The following PPFIA2 variants were observed in gnomAD, a reference collection of about 807,000 sequenced individuals.
PPFIA2 encodes liprin-alpha-2.
Under a neutral mutation model 175.5 loss-of-function variants are expected in PPFIA2, and 46 were observed. That is an observed-to-expected ratio of 0.26 (90% confidence interval 0.21 to 0.34). The LOEUF is 0.34. Ranked by LOEUF, PPFIA2 falls within the 10% of genes least tolerant of loss-of-function variation. PPFIA2 has a pLI of 1.00. For missense variants in PPFIA2, 1,179 were observed against 1,506.1 expected (o/e 0.78, Z 3.60); for synonymous variants, 568 against 511.4 (o/e 1.11, Z -1.49).
intron 17 of PPFIA2, among the ~76,000 whole-genome samples, chr12:81,349,722 C>G (rs2059684057): frequency 1.3e-5 from 2 of 152,098 alleles, no homozygotes; most frequent in African/African-American, 4.8e-5. Flanking sequence ...TTGTACAAGA[C>G]AGCCAAACCT....
In PPFIA2 at chr12:81,405,778, G is replaced by T. The variant is rs189899397; in HGVS notation, c.762+9C>A. Reference sequence around the variant, plus strand: ...ATTTCCATGTAAGAGCATGTGGGGTGTGTCATACCTTCTCATGGACTTTCT... The same window carrying T: ...ATTTCCATGTAAGAGCATGTGGGGTTTGTCATACCTTCTCATGGACTTTCT... On this transcript the variant is annotated intron_variant, in intron 8 of 32. Coordinates refer to ENST00000549396, the MANE Select transcript of PPFIA2 (RefSeq NM_003625.5). 8.3e-5 allele frequency: 120 copies of T among 1,441,456 alleles called. 1 individual carries two copies. The Admixed American group carries it at 1.2e-3, about 15-fold the overall frequency. 89.3% of individuals were successfully genotyped at this position (1,441,456 alleles called of 1,614,324 possible). A position where few individuals can be genotyped will look rare whatever the true frequency, so the allele number is the denominator to read the frequency against.
chr12:81,341,576 C>CT (rs1473145965), intron 19 of PPFIA2, among the ~76,000 whole-genome samples: 1 of 152,020 alleles, frequency 6.6e-6, no homozygotes, highest in Non-Finnish European at 1.5e-5. Flanking sequence ...ATGCACGGAC[C>CT]TTTTTTTTAA....
intron 4 of PPFIA2, among the ~76,000 whole-genome samples, chr12:81,580,950 T>C (rs1238409324): frequency 6.6e-6 from 1 of 151,820 alleles, no homozygotes; most frequent in East Asian, 1.9e-4. Flanking sequence ...ATTATTATAA[T>C]TGAGGTAAGC....
At chr12:81,269,796 G>A (rs2038526121) in intron 28 of PPFIA2, among the ~76,000 whole-genome samples, 1 of 152,086 alleles carries the variant, frequency 6.6e-6, no homozygotes, top group Non-Finnish European at 1.5e-5. Flanking sequence ...GCAGTGGCGT[G>A]TTCATGATCA....
intron 4 of PPFIA2, among the ~76,000 whole-genome samples, chr12:81,667,398 C>T (rs1340315493): frequency 6.6e-6 from 1 of 152,054 alleles, no homozygotes; most frequent in Non-Finnish European, 1.5e-5. Context: ...TAGCACCTTT[C>T]TTGAAAACCA....
chr12:81,618,432 A>G (rs562559016), intron 4 of PPFIA2, among the ~76,000 whole-genome samples: 11 of 150,920 alleles, frequency 7.3e-5, no homozygotes, highest in Admixed American at 3.3e-4. Context: ...TTAAATTTAA[A>G]AGGTAGAGAA....
intron 6 of PPFIA2, 146 bp from the exon 7 acceptor site, chr12:81,440,192 G>A (rs1159033411): frequency 1.9e-6 from 1 of 532,884 alleles, no homozygotes; most frequent in Non-Finnish European, 3.2e-6. Context: ...TACTAAATCT[G>A]GCAGAAATAC....
At chr12:81,409,942 A>T (rs2142999900) in intron 7 of PPFIA2, among the ~76,000 whole-genome samples, 1 of 152,272 alleles carries the variant, frequency 6.6e-6, no homozygotes, top group Middle Eastern at 3.4e-3. Context: ...AACCCCCAAC[A>T]TTTGTATGTT....
At chr12:81,690,597 A>G (rs1421178875) in intron 3 of PPFIA2, among the ~76,000 whole-genome samples, 1 of 152,128 alleles carries the variant, frequency 6.6e-6, no homozygotes, top group Non-Finnish European at 1.5e-5. Context: ...GAGGACTGCT[A>G]GAAAAGTAAA....
chr12:81,463,595 C>T (rs2055050162), intron 4 of PPFIA2, among the ~76,000 whole-genome samples: 1 of 152,114 alleles, frequency 6.6e-6, no homozygotes, highest in Non-Finnish European at 1.5e-5. Flanking sequence ...GTGCCCTTCT[C>T]TTTCTTAGTG....
chr12:81,720,912 T>C (rs1341976043), intron 3 of PPFIA2, among the ~76,000 whole-genome samples: 1 of 151,356 alleles, frequency 6.6e-6, no homozygotes, highest in African/African-American at 2.4e-5. Flanking sequence ...ATAAAAATGA[T>C]TAAATATTCC....
intron 8 of PPFIA2, among the ~76,000 whole-genome samples, chr12:81,390,370 T>C (rs1417901223): frequency 6.6e-6 from 1 of 152,050 alleles, no homozygotes; most frequent in Non-Finnish European, 1.5e-5. Context: ...TCCAAAGTGG[T>C]TGCACCATTG....
chr12:81,282,235 T>A (rs1008122146), intron 26 of PPFIA2, among the ~76,000 whole-genome samples: 3 of 152,074 alleles, frequency 2.0e-5, no homozygotes, highest in Non-Finnish European at 4.4e-5. Context: ...ATTTAGTTCC[T>A]TATCATGCCC....
intron 7 of PPFIA2, among the ~76,000 whole-genome samples, chr12:81,429,251 A>T (rs997693330): frequency 2.0e-5 from 3 of 152,084 alleles, no homozygotes; most frequent in African/African-American, 7.2e-5. Context: ...AAGAGATAGA[A>T]TTTAAAAATA....
At chr12:81,318,382 C>T (rs1309353942) in intron 22 of PPFIA2, among the ~76,000 whole-genome samples, 2 of 151,648 alleles carry the variant, frequency 1.3e-5, no homozygotes, top group African/African-American at 4.8e-5. Context: ...GCTCATTTGC[C>T]TACCTTGTAG....
At chr12:81,478,376 T>C (rs374743759) in intron 4 of PPFIA2, among the ~76,000 whole-genome samples, 18 of 152,156 alleles carry the variant, frequency 1.2e-4, no homozygotes, top group Non-Finnish European at 4.4e-5. Context: ...CTGGATTCAT[T>C]GATTTTTTTG....
chr12:81,741,442 T>A (rs958954157), intron 3 of PPFIA2, among the ~76,000 whole-genome samples: 1 of 151,860 alleles, frequency 6.6e-6, no homozygotes, highest in Non-Finnish European at 1.5e-5. Context: ...TTATTTAGTA[T>A]TTTTTTTAAA....
At chr12:81,474,339 T>A (rs919480260) in intron 4 of PPFIA2, among the ~76,000 whole-genome samples, 3 of 152,164 alleles carry the variant, frequency 2.0e-5, no homozygotes, top group African/African-American at 7.2e-5. Context: ...GTATTTTTAG[T>A]AGAGACGGGG....
At chr12:81,532,330 G>T (rs1000193669) in intron 4 of PPFIA2, among the ~76,000 whole-genome samples, 1 of 151,460 alleles carries the variant, frequency 6.6e-6, no homozygotes, top group African/African-American at 2.4e-5. Flanking sequence ...AGAGCAGAGA[G>T]AAAAAAAGAA....
Sources: allele counts gnomAD v4.1 joint callset (sites outside exome capture counted in the v4.1 genomes callset), GRCh38; gene constraint gnomAD v4.1.1; transcripts MANE v1.5; gene names NCBI Gene and HGNC (gene_info 2026-07-23, HGNC 2026-07-21).